Variants in NAALADL2 observed in about 807,000 individuals in gnomAD.
The protein encoded by NAALADL2 is inactive N-acetylated-alpha-linked acidic dipeptidase-like protein 2.
In NAALADL2, 76 loss-of-function variants were observed where a neutral mutation model predicts 87.2. The observed-to-expected ratio is 0.87, with a 90% confidence interval of 0.72 to 1.05. NAALADL2 has a LOEUF of 1.05. Among genes scored for constraint, NAALADL2 ranks in the 50% least tolerant of loss-of-function variants. The pLI, the probability that NAALADL2 is intolerant of heterozygous loss-of-function variation, is 0.00. For synonymous variants in NAALADL2, 354 were observed against 331.0 expected (o/e 1.07, Z -0.75); for missense variants, 1,089 against 945.8 (o/e 1.15, Z -1.99).
chr3:174,497,670 G>A (rs1718630347), intron 1 of NAALADL2, among the ~76,000 whole-genome samples: 1 of 152,060 alleles, frequency 6.6e-6, no homozygotes, highest in Non-Finnish European at 1.5e-5. Flanking sequence ...TCTTGATGGT[G>A]GAGACTCAGT....
chr3:174,600,515 T>TTTC (rs1384056583), intron 2 of NAALADL2, among the ~76,000 whole-genome samples: 1 of 152,178 alleles, frequency 6.6e-6, no homozygotes, highest in African/African-American at 2.4e-5. Context: ...AGATTTGTCT[T>TTTC]TGAAGAGTCA....
chr3:175,276,826 A>G (rs1238704944), intron 4 of NAALADL2, among the ~76,000 whole-genome samples: 1 of 152,116 alleles, frequency 6.6e-6, no homozygotes, highest in Admixed American at 6.5e-5. Context: ...CAATCTTAAT[A>G]GTGCAATCAA....
chr3:174,682,771 G>C (rs1727670701), intron 2 of NAALADL2, among the ~76,000 whole-genome samples: 1 of 152,144 alleles, frequency 6.6e-6, no homozygotes, highest in Non-Finnish European at 1.5e-5. Flanking sequence ...TACCTGGAAA[G>C]CCTTCCCAAA....
intron 1 of NAALADL2, among the ~76,000 whole-genome samples, chr3:174,542,216 C>A (rs1371543362): frequency 1.3e-5 from 2 of 152,124 alleles, no homozygotes; most frequent in African/African-American, 2.4e-5. Flanking sequence ...CTGTTTTCTT[C>A]ATTTTATCCT....
chr3:175,567,172 C>T (rs1041913629), intron 9 of NAALADL2, among the ~76,000 whole-genome samples: 6 of 152,046 alleles, frequency 3.9e-5, no homozygotes, highest in African/African-American at 1.2e-4. Flanking sequence ...AAAGAACAAA[C>T]CTGTTTTTAT....
intron 1 of NAALADL2, among the ~76,000 whole-genome samples, chr3:174,547,817 T>C (rs956397369): frequency 1.3e-5 from 2 of 152,178 alleles, no homozygotes; most frequent in Admixed American, 6.5e-5. Flanking sequence ...GTTAACATAA[T>C]TGTGAGCATA....
intron 12 of NAALADL2, among the ~76,000 whole-genome samples, chr3:175,754,895 G>C (rs938253523): frequency 1.2e-4 from 18 of 152,126 alleles, no homozygotes; most frequent in South Asian, 2.1e-4. Flanking sequence ...ATTTACTGTT[G>C]TTATTATTAT....
At position 175,646,534 on chromosome 3, in the gene NAALADL2, C is replaced by T. The variant is rs563724471; in HGVS notation, c.1896+19148C>T. On this transcript the variant is annotated intron_variant, in intron 11 of 13. Coordinates refer to ENST00000454872, the MANE Select transcript of NAALADL2 (RefSeq NM_207015.3). ...TTATGACAGCAATCTGTTGAAGAGA[C>T]CAGGCTAATTGTCTTGTCATTAGTT... Among the ~76,000 whole-genome samples, 152 of 152,090 alleles carry T rather than the reference C, an allele frequency of 1.0e-3. 3 individuals are homozygous for T. The highest frequency in any genetic ancestry group is 4.6e-4 in the Admixed American group (7 of 15,262).
intron 1 of NAALADL2, among the ~76,000 whole-genome samples, chr3:174,484,127 C>T (rs557972449): frequency 1.9e-4 from 28 of 151,200 alleles, no homozygotes; most frequent in African/African-American, 6.8e-4. Flanking sequence ...GTGTGATTTA[C>T]ATTATGGTAT....
intron 1 of NAALADL2, among the ~76,000 whole-genome samples, chr3:174,460,428 C>T (rs534942472): frequency 1.3e-5 from 2 of 151,710 alleles, no homozygotes; most frequent in East Asian, 3.9e-4. Context: ...ATAAAGTATT[C>T]TATTTTGAAA....
intron 2 of NAALADL2, among the ~76,000 whole-genome samples, chr3:175,142,481 T>C (rs1393661145): frequency 6.6e-6 from 1 of 152,078 alleles, no homozygotes; most frequent in Non-Finnish European, 1.5e-5. Flanking sequence ...ATTTTACAAA[T>C]GAGAAAACGT....
intron 5 of NAALADL2, among the ~76,000 whole-genome samples, chr3:175,442,946 T>C (rs1720065681): frequency 6.6e-6 from 1 of 152,216 alleles, no homozygotes; most frequent in African/African-American, 2.4e-5. Flanking sequence ...TCTAATGGAT[T>C]CTTATAGTTC....
intron 4 of NAALADL2, among the ~76,000 whole-genome samples, chr3:175,323,645 A>G (rs1760246314): frequency 6.8e-6 from 1 of 147,462 alleles, no homozygotes; most frequent in Admixed American, 6.8e-5. Flanking sequence ...TGGTAGAGAT[A>G]GAGAAAAACC....
At chr3:174,983,388 T>C (rs2108663416) in intron 1 of NAALADL2, among the ~76,000 whole-genome samples, 1 of 152,230 alleles carries the variant, frequency 6.6e-6, no homozygotes, top group African/African-American at 2.4e-5. Flanking sequence ...GAAAGTTAGA[T>C]AAAGAAGGTA....
intron 1 of NAALADL2, among the ~76,000 whole-genome samples, chr3:174,463,139 A>G (rs1716312012): frequency 6.6e-6 from 1 of 152,198 alleles, no homozygotes; most frequent in Non-Finnish European, 1.5e-5. Flanking sequence ...CTGAATCTGC[A>G]GGGGAGGTTT....
chr3:174,889,117 T>A (rs1212878101), intron 1 of NAALADL2, among the ~76,000 whole-genome samples: 2 of 152,180 alleles, frequency 1.3e-5, no homozygotes, highest in East Asian at 3.9e-4. Context: ...CTGTTTAATT[T>A]CAAAATATAT....
chr3:174,604,760 T>C (rs373511566), intron 2 of NAALADL2, among the ~76,000 whole-genome samples: 2 of 151,980 alleles, frequency 1.3e-5, no homozygotes, highest in East Asian at 3.9e-4. Flanking sequence ...TTCTTTTCTT[T>C]TCTTTCTTTC....
intron 5 of NAALADL2, among the ~76,000 whole-genome samples, chr3:175,364,812 GAATAA>G (rs1765383185): frequency 6.8e-6 from 1 of 147,614 alleles, no homozygotes; most frequent in Non-Finnish European, 1.5e-5. Context: ...GTATTTATGA[GAATAA>G]AATACATACT....
intron 1 of NAALADL2, among the ~76,000 whole-genome samples, chr3:174,874,707 C>T (rs1435200105): frequency 6.6e-6 from 1 of 151,970 alleles, no homozygotes; most frequent in Admixed American, 6.6e-5. Flanking sequence ...TTTTTTGCTA[C>T]TTAAATATTT....
Sources: gnomAD v4.1 joint callset for allele counts (sites outside exome capture counted in the v4.1 genomes callset) on GRCh38, gnomAD v4.1.1 for gene constraint, MANE v1.5 for transcripts, NCBI Gene and HGNC (gene_info 2026-07-23, HGNC 2026-07-21) for gene names.